The following ATP4A variants were observed in gnomAD, a reference collection of about 807,000 sequenced individuals.
ATP4A encodes the protein ATPase H+/K+ transporting subunit alpha, also known as potassium-transporting ATPase alpha chain 1.
Under a neutral mutation model 112.1 loss-of-function variants are expected in ATP4A, and 73 were observed. The ratio of observed to expected loss-of-function variants is 0.65; its 90% CI spans 0.54 to 0.79. ATP4A has a LOEUF of 0.79. Among genes scored for constraint, ATP4A ranks in the 30% least tolerant of loss-of-function variants. The pLI is 0.00. For synonymous variants in ATP4A, 588 were observed against 588.9 expected (o/e 1.00, Z 0.02); for missense variants, 1,081 against 1,425.9 (o/e 0.76, Z 3.90).
In ATP4A at chr19:35,551,040, A is replaced by G; in HGVS notation, c.2957T>C (p.Met986Thr). ...IGCFLCYCPG[M>T]PNIFNFMPIR... ...GGGCATGAAGTTGAAGATGTTGGGCATGCCGGGGCAGTAGCACAGGAAGCA... is the reference window on the plus strand; with the variant it reads ...GGGCATGAAGTTGAAGATGTTGGGCGTGCCGGGGCAGTAGCACAGGAAGCA... Residue 986 changes from methionine to threonine, a missense_variant, in exon 20 of 22, where the codon ATG (methionine) becomes ACG (threonine). Met to Thr is a moderately conservative substitution (Grantham distance 81, BLOSUM62 -1). Transcript: ENST00000262623. The surrounding 1 kb of genome is among the most constrained non-coding windows in gnomAD (Gnocchi z 5.2). The G allele has an allele frequency of 6.2e-7, 1 of 1,614,022 alleles. No individual in the cohort carries two copies. Among genetic ancestry groups the G allele is most frequent in the Non-Finnish European group, 8.5e-7 (1 of 1,179,926 alleles).
Position 35,555,735 on chromosome 19 carries a change from G to A in ATP4A, c.1947C>T (p.Ser649=), listed in dbSNP as rs753426264. 1.5e-5 allele frequency: 25 copies of A among 1,613,330 alleles called. No individual in the cohort carries two copies. The highest frequency in any genetic ancestry group is 6.6e-5 in the South Asian group (6 of 91,058). Reference sequence around the variant, plus strand: ...GGGCAGCGATGTCCTCCACTGTCTCGCTGCCTTCCGAGATGATGCCCACAC... The same window carrying A: ...GGGCAGCGATGTCCTCCACTGTCTCACTGCCTTCCGAGATGATGCCCACAC... ...AASVGIISEG[S]ETVEDIAARL... The change falls in exon 13 of 22, where the codon AGC becomes AGT. Residue 649 remains serine (S), a synonymous_variant. Transcript: ENST00000262623. This position sits in a 1 kb window ranked among gnomAD's most constrained non-coding sequence, Gnocchi z 6.6.
chr19:35,558,174 G>A lies in ATP4A; in HGVS notation c.1500+188C>T. The stretch of plus-strand genomic sequence containing the variant: ...CCCGCCGAGGAGAAGCTGTGGGCGG[G>A]GCTGGGTGGTGGGCGGGGCCTTGCC... On this transcript the variant is annotated intron_variant, in intron 10 of 21. Coordinates refer to ENST00000262623, the MANE Select transcript of ATP4A (RefSeq NM_000704.3). The surrounding 1 kb of genome is among the most constrained non-coding windows in gnomAD (Gnocchi z 5.1). The A allele has an allele frequency of 1.3e-6, 1 of 788,234 alleles. No individual in the cohort carries two copies. Among genetic ancestry groups the A allele is most frequent in the East Asian group, 2.7e-5 (1 of 36,906 alleles). The allele number at this position is 788,234 out of a possible 1,614,324, so 48.8% of individuals were successfully genotyped here.
At chr19:35,561,487 C>T (rs1185630087) in intron 4 of ATP4A, among the ~76,000 whole-genome samples, 1 of 152,042 alleles carries the variant, frequency 6.6e-6, no homozygotes, top group Non-Finnish European at 1.5e-5. Context: ...GCCACGGCCC[C>T]CATGTTCTAG....
chr19:35,560,892 G>A lies in ATP4A; in HGVS notation c.461C>T (p.Thr154Ile), dbSNP rs775032446. ...AIALIAVVVVTGCFGYYQEFK... is the reference protein window; with the variant it reads ...AIALIAVVVVIGCFGYYQEFK... ...TTCCTGGTAGTAGCCAAAGCAGCCG[G>A]TGACGACAACCACAGCAATGAGAGC... is the stretch of plus-strand genomic sequence containing the variant. Residue 154 changes from threonine to isoleucine, a missense_variant, in exon 5 of 22, where the codon ACC becomes ATC. Physicochemically the swap from Thr to Ile is moderately conservative, Grantham distance 89 (BLOSUM62 -1). Around this residue, in one of 3 missense-constraint regions of ATP4A, gnomAD observed 850 missense variants for 1,068.2 expected, o/e 0.80. Coordinates refer to ENST00000262623, the MANE Select transcript of ATP4A (RefSeq NM_000704.3). This position sits in a 1 kb window ranked among gnomAD's most constrained non-coding sequence, Gnocchi z 5.1. 6.2e-7 allele frequency: 1 copy of A among 1,614,020 alleles called. No individual in the cohort carries two copies.
rs1426169490 is a variant in ATP4A at position 35,563,372 on chromosome 19, G to C, written c.156+12C>G. 4 of 1,563,486 alleles carry C rather than the reference G, an allele frequency of 2.6e-6. No homozygotes were observed. The African/African-American group carries it at 4.2e-5, about 16-fold the overall frequency. Reference sequence around the variant, plus strand: ...ACCCTCCAGCTCCCGCCCCTCCCCAGTCAGAGCTCACAATCTCCATCTCCT... The same window carrying C: ...ACCCTCCAGCTCCCGCCCCTCCCCACTCAGAGCTCACAATCTCCATCTCCT... On this transcript the variant is annotated intron_variant, in intron 2 of 21. Transcript: ENST00000262623.
chr19:35,558,746 C>A lies in ATP4A; in HGVS notation c.1256-60G>T, dbSNP rs558085570. On this transcript the variant is annotated intron_variant, in intron 8 of 21. Transcript: ENST00000262623. This position sits in a 1 kb window ranked among gnomAD's most constrained non-coding sequence, Gnocchi z 5.1. ...GCGGCTCTCCCGGACCAGAACCGAG[C>A]CCCCTCCTCCTAGGCTCATATCGCG... 1.5e-5 allele frequency: 23 copies of A among 1,492,654 alleles called. No individual in the cohort carries two copies. Among genetic ancestry groups the A allele is most frequent in the Non-Finnish European group, 2.0e-5 (22 of 1,112,316 alleles). The allele number at this position is 1,492,654 out of a possible 1,614,324, so 92.5% of individuals were successfully genotyped here. A position where few individuals can be genotyped will look rare whatever the true frequency, so the allele number is the denominator to read the frequency against.
In ATP4A at chr19:35,562,611, G is replaced by A. The variant is rs757986403; in HGVS notation, c.244C>T (p.Leu82=). 6 of 1,606,770 alleles carry A rather than the reference G, an allele frequency of 3.7e-6. No individual in the cohort carries two copies. In the African/African-American group the frequency reaches 8.0e-5, roughly 21 times the overall value. ...KGLSASLAAE[L]LLRDGPNALR... is the part of the protein sequence containing the mutation. The stretch of plus-strand genomic sequence containing the variant: ...GCGTTGGGCCCATCCCGCAGCAGCA[G>A]CTCAGCAGCCAGGCTCGCAGAGAGG... The change falls in exon 4 of 22, where the codon CTG becomes TTG. Residue 82 remains leucine, a synonymous_variant. Transcript: ENST00000262623.
chr19:35,553,547 G>A (rs17776451), intron 17 of ATP4A, among the ~76,000 whole-genome samples, 159 bp downstream of exon 17: 1 of 152,170 alleles, frequency 6.6e-6, no homozygotes, highest in East Asian at 1.9e-4. Context: ...CAGAGAGACT[G>A]TCACAAACAG....
In ATP4A at chr19:35,558,141, T is replaced by C; in HGVS notation, c.1500+221A>G. 2 of 665,486 alleles carry C rather than the reference T, an allele frequency of 3.0e-6. No individual in the cohort carries two copies. Among genetic ancestry groups the C allele is most frequent in the Non-Finnish European group, 5.0e-6 (2 of 400,330 alleles). 41.2% of individuals were successfully genotyped at this position (665,486 alleles called of 1,614,324 possible). A position where few individuals can be genotyped will look rare whatever the true frequency, so the allele number is the denominator to read the frequency against. On this transcript the variant is annotated intron_variant, in intron 10 of 21. Transcript: ENST00000262623. This position sits in a 1 kb window ranked among gnomAD's most constrained non-coding sequence, Gnocchi z 5.1. ...GATTTGGAGAGCGAGGTGCTCCCCA[T>C]GGACAGTCCCGCCGAGGAGAAGCTG...
chr19:35,556,931 ACACTTGAG>A lies in ATP4A; in HGVS notation c.1843_1850del (p.Leu615SerfsTer13), dbSNP rs543671489. 6.2e-7 allele frequency: 1 copy of A among 1,613,940 alleles called. No individual in the cohort carries two copies. Among genetic ancestry groups the A allele is most frequent in the Non-Finnish European group, 8.5e-7 (1 of 1,179,934 alleles). The stretch of plus-strand genomic sequence containing the variant: ...GGCATACCCGGATGCCTGCGGTGCG[ACACTTGAG>A]CACAGCATCAGGGACGGTGGCCCGG... On this transcript the variant is annotated frameshift_variant, in exon 12 of 22. Transcript: ENST00000262623. LOFTEE classifies it high-confidence loss of function.
At position 35,560,795 on chromosome 19, in the gene ATP4A, G is replaced by A. The variant is rs2071665967; in HGVS notation, c.534+24C>T. ...CAGTTTGGAGTCTCTGGGATCTGGA[G>A]TGGCTGGGTGCTGGGGAACCCACCT... On this transcript the variant is annotated intron_variant, in intron 5 of 21. Transcript: ENST00000262623. The surrounding 1 kb of genome is among the most constrained non-coding windows in gnomAD (Gnocchi z 5.1). The A allele has an allele frequency of 6.2e-7, 1 of 1,608,868 alleles. No homozygotes were observed. The highest frequency in any genetic ancestry group is 1.1e-5 in the South Asian group (1 of 90,968).
rs1018447848 is a variant in ATP4A, at chr19:35,558,072, G to T, written c.1501-225C>A. Reference sequence around the variant, plus strand: ...TAGGTGCAGATTTGGAGTCCTGGACGCAGGGAATGAACAGAATTAGGGTGC... The same window carrying T: ...TAGGTGCAGATTTGGAGTCCTGGACTCAGGGAATGAACAGAATTAGGGTGC... On this transcript the variant is annotated intron_variant, in intron 10 of 21. Transcript: ENST00000262623. This position sits in a 1 kb window ranked among gnomAD's most constrained non-coding sequence, Gnocchi z 5.1. 9 of 608,244 alleles carry T rather than the reference G, an allele frequency of 1.5e-5. No homozygotes were observed. Among genetic ancestry groups the T allele is most frequent in the Non-Finnish European group, 1.7e-5 (6 of 351,856 alleles). 37.7% of individuals were successfully genotyped at this position (608,244 alleles called of 1,614,324 possible).
rs766964021 is a variant in ATP4A, at chr19:35,560,091, C to T, written c.788-18G>A. On this transcript the variant is annotated intron_variant, in intron 6 of 21. Transcript: ENST00000262623. The surrounding 1 kb of genome is among the most constrained non-coding windows in gnomAD (Gnocchi z 5.1). Reference sequence around the variant, plus strand: ...CACGGTGCCTGCAGGGGGGCCAAGGCGCGACTCAGGGATAGGGGGCGGCAG... The same window carrying T: ...CACGGTGCCTGCAGGGGGGCCAAGGTGCGACTCAGGGATAGGGGGCGGCAG... 9 of 1,612,114 alleles carry T rather than the reference C, an allele frequency of 5.6e-6. No individual in the cohort carries two copies. The highest frequency in any genetic ancestry group is 2.7e-5 in the African/African-American group (2 of 74,894).
chr19:35,556,290 A>G (rs2071631295), intron 12 of ATP4A, among the ~76,000 whole-genome samples: 2 of 152,332 alleles, frequency 1.3e-5, no homozygotes, highest in African/African-American at 4.8e-5. Context: ...GGAGTGAACA[A>G]GGAAAGAGGG....
In ATP4A at chr19:35,550,644, C is replaced by T; in HGVS notation, c.3080-1G>A. On this transcript the variant is annotated splice_acceptor_variant, in intron 21 of 21. Coordinates refer to ENST00000262623, the MANE Select transcript of ATP4A (RefSeq NM_000704.3). LOFTEE classifies it high-confidence loss of function. This position sits in a 1 kb window ranked among gnomAD's most constrained non-coding sequence, Gnocchi z 4.1. The stretch of plus-strand genomic sequence containing the variant: ...TAGTAGAGTTCCTGGTCCCACCAGC[C>T]TGGGAGAGAGAGGGAGAAAGGAGAC... The T allele has an allele frequency of 6.2e-7, 1 of 1,613,838 alleles. No homozygotes were observed. The highest frequency in any genetic ancestry group is 8.5e-7 in the Non-Finnish European group (1 of 1,179,844).
In ATP4A at chr19:35,553,190, G is replaced by A; in HGVS notation, c.2606-8C>T. The stretch of plus-strand genomic sequence containing the variant: ...CAAAGGACTGAATGGCACCTGGAGA[G>A]AGACAAGGGGACACAGGGAGACAGA... On this transcript the variant is annotated splice_polypyrimidine_tract_variant and splice_region_variant and intron_variant, in intron 17 of 21. Coordinates refer to ENST00000262623, the MANE Select transcript of ATP4A (RefSeq NM_000704.3). 6.3e-7 allele frequency: 1 copy of A among 1,589,028 alleles called. No homozygotes were observed. Among genetic ancestry groups the A allele is most frequent in the Non-Finnish European group, 8.6e-7 (1 of 1,160,432 alleles).
At position 35,561,119 on chromosome 19, in the gene ATP4A, G is replaced by A. The variant is rs144497309; in HGVS notation, c.421-187C>T. ...CCCATGTCCCTCATGTCCCACACTC[G>A]CCTGCTCTGTCTTCTCAGTGTCTTG... On this transcript the variant is annotated intron_variant, in intron 4 of 21. Coordinates refer to ENST00000262623, the MANE Select transcript of ATP4A (RefSeq NM_000704.3). Among the ~76,000 whole-genome samples the A allele has an allele frequency of 3.7e-3, 563 of 151,830 alleles. 3 individuals are homozygous for A. The highest frequency in any genetic ancestry group is 0.013 in the African/African-American group (519 of 41,348).
chr19:35,552,448 A>G (rs1360011899), intron 18 of ATP4A, among the ~76,000 whole-genome samples: 2 of 152,190 alleles, frequency 1.3e-5, no homozygotes, highest in Admixed American at 6.5e-5. Flanking sequence ...TCTGGGAGCA[A>G]ACTGAAAACC....
At position 35,559,979 on chromosome 19, in the gene ATP4A, G is replaced by C. The variant is rs764190209; in HGVS notation, c.882C>G (p.Pro294=). 1 of 1,614,114 alleles carries C rather than the reference G, an allele frequency of 6.2e-7. No individual in the cohort carries two copies. The highest frequency in any genetic ancestry group is 1.3e-5 in the African/African-American group (1 of 74,940). The change falls in exon 7 of 22, where the codon CCC becomes CCG. Residue 294 remains proline (P), a synonymous_variant. Transcript: ENST00000262623. This position sits in a 1 kb window ranked among gnomAD's most constrained non-coding sequence, Gnocchi z 4.1. ...LASGVENEKT[P]IAIEIEHFVD... is the part of the protein sequence containing the mutation. ...CAAAATGCTCGATCTCGATAGCGATGGGTGTCTTCTCGTTTTCCACCCCCG... is the reference window on the plus strand; with the variant it reads ...CAAAATGCTCGATCTCGATAGCGATCGGTGTCTTCTCGTTTTCCACCCCCG...
Sources: allele counts gnomAD v4.1 joint callset (sites outside exome capture counted in the v4.1 genomes callset), GRCh38; gene constraint gnomAD v4.1.1; regional missense constraint gnomAD v4.1.1; non-coding constraint Gnocchi (gnomAD v3.1); transcripts MANE v1.5; gene names NCBI Gene and HGNC (gene_info 2026-07-23, HGNC 2026-07-21).